The following KSR2 variants were observed in gnomAD, a reference collection of about 807,000 sequenced individuals.
KSR2 encodes kinase suppressor of ras 2.
Under a neutral mutation model 107.8 loss-of-function variants are expected in KSR2, and 25 were observed. The observed-to-expected ratio is 0.23, with a 90% CI of 0.17 to 0.32. The LOEUF is 0.32. Ranked by LOEUF, KSR2 falls within the 10% of genes least tolerant of loss-of-function variation. The pLI is 1.00. For synonymous variants in KSR2, 480 were observed against 507.0 expected (o/e 0.95, Z 0.71); for missense variants, 887 against 1,268.9 (o/e 0.70, Z 4.57).
chr12:117,765,952 T>G (rs1372000330), intron 3 of KSR2, among the ~76,000 whole-genome samples: 1 of 152,214 alleles, frequency 6.6e-6, no homozygotes, highest in Non-Finnish European at 1.5e-5. Flanking sequence ...TCATCCCCTT[T>G]GTGCCCAGGC....
intron 1 of KSR2, among the ~76,000 whole-genome samples, chr12:117,909,776 C>T (rs577361081): frequency 6.6e-5 from 10 of 151,194 alleles, no homozygotes; most frequent in East Asian, 3.9e-4. Context: ...GGCATGGTGG[C>T]GCATGCCTGT....
intron 3 of KSR2, among the ~76,000 whole-genome samples, chr12:117,853,099 G>A (rs780108024): frequency 1.5e-4 from 22 of 151,644 alleles, no homozygotes; most frequent in African/African-American, 2.9e-4. Context: ...CACCACGTCC[G>A]GCCAAAATAT....
chr12:117,848,834 A>AGTGGTGGTGATGGTGATGGTGGTG (rs1892807853), intron 3 of KSR2, among the ~76,000 whole-genome samples: 1 of 133,724 alleles, frequency 7.5e-6, no homozygotes, highest in Non-Finnish European at 1.7e-5. Context: ...TGATGGTGGT[A>AGTGGTGGTGATGGTGATGGTGGTG]GTGGTGGTGA....
At chr12:117,701,282 AG>A (rs1886299649) in intron 4 of KSR2, among the ~76,000 whole-genome samples, 1 of 152,108 alleles carries the variant, frequency 6.6e-6, no homozygotes, top group South Asian at 2.1e-4. Flanking sequence ...TAGTAGAGAC[AG>A]TGTTTCATCA....
chr12:117,870,640 G>C lies in KSR2; in HGVS notation c.181-10209C>G, dbSNP rs74356817. On this transcript the variant is annotated intron_variant, in intron 1 of 19. Transcript: ENST00000339824. ...AGAAAAAAAAATTATCTGTGCAGTA[G>C]ATACCCCATACACTCATGTCCTACT... Among the ~76,000 whole-genome samples, 1,475 of 152,166 alleles carry C rather than the reference G, an allele frequency of 9.7e-3. 60 individuals are homozygous for C. In the East Asian group the frequency reaches 0.12, roughly 13 times the overall value.
intron 4 of KSR2, among the ~76,000 whole-genome samples, chr12:117,750,081 C>T (rs957087804): frequency 6.6e-6 from 1 of 151,970 alleles, no homozygotes; most frequent in African/African-American, 2.4e-5. Flanking sequence ...AACCCCGTCT[C>T]TACTAAAAAT....
Position 117,467,041 on chromosome 12 carries a change from C to G in KSR2, c.*158G>C, listed in dbSNP as rs954153206. On this transcript the variant is annotated 3_prime_UTR_variant, in exon 20 of 20. Transcript: ENST00000339824. ...AGGAAAAGGGCTCAAGTCTGAGGTGCAGGGAGGCCGCCGAGCAGTTGTCCA... is the reference window on the plus strand; with the variant it reads ...AGGAAAAGGGCTCAAGTCTGAGGTGGAGGGAGGCCGCCGAGCAGTTGTCCA... The G allele has an allele frequency of 1.0e-5, 5 of 492,260 alleles. No homozygotes were observed. Among genetic ancestry groups the G allele is most frequent in the African/African-American group, 1.0e-4 (5 of 49,556 alleles). 30.5% of individuals were successfully genotyped at this position (492,260 alleles called of 1,614,324 possible).
intron 5 of KSR2, among the ~76,000 whole-genome samples, chr12:117,649,910 T>G (rs1007113): frequency 0.074 from 11,246 of 152,218 alleles, 538 homozygotes; most frequent in Admixed American, 0.13. Flanking sequence ...TGGCCTGGGG[T>G]TGGAGGAGTG....
chr12:117,734,985 T>C lies in KSR2; in HGVS notation c.986+26026A>G, dbSNP rs1887885302. ...CACTTGGTGTTGAGCAGCTTTGCCCTCACGGCCTCCACTTTCTGGGTGCGT... is the reference window on the plus strand; with the variant it reads ...CACTTGGTGTTGAGCAGCTTTGCCCCCACGGCCTCCACTTTCTGGGTGCGT... On this transcript the variant is annotated intron_variant, in intron 4 of 19. Transcript: ENST00000339824. Among the ~76,000 whole-genome samples, 4 of 151,998 alleles carry C rather than the reference T, an allele frequency of 2.6e-5. No homozygotes were observed. The South Asian group carries it at 8.3e-4, about 32-fold the overall frequency.
intron 1 of KSR2, among the ~76,000 whole-genome samples, chr12:117,880,621 G>A (rs2137318923): frequency 6.6e-6 from 1 of 152,046 alleles, no homozygotes; most frequent in Non-Finnish European, 1.5e-5. Flanking sequence ...ATTTACCCTA[G>A]GCCAAGGACG....
chr12:117,928,410 C>T (rs904012085), intron 1 of KSR2, among the ~76,000 whole-genome samples: 2 of 152,114 alleles, frequency 1.3e-5, no homozygotes, highest in Non-Finnish European at 2.9e-5. Flanking sequence ...TCTTGAACTC[C>T]TGAGCTCAAG....
At position 117,527,326 on chromosome 12, in the gene KSR2, GACACACAC is replaced by G. The variant is rs752222461; in HGVS notation, c.1803-215_1803-208del. On this transcript the variant is annotated intron_variant, in intron 12 of 19. Coordinates refer to ENST00000339824, the MANE Select transcript of KSR2 (RefSeq NM_173598.6). ...AGACACACACACACACACACACACA[GACACACAC>G]ACACACACACACAGACACACACACA... Among the ~76,000 whole-genome samples the G allele has an allele frequency of 8.4e-5, 6 of 71,574 alleles. No homozygotes were observed. In the South Asian group the frequency reaches 1.7e-3, roughly 20 times the overall value. The allele number at this position is 71,574 out of a possible 152,430, so 47.0% of individuals were successfully genotyped here.
intron 4 of KSR2, among the ~76,000 whole-genome samples, chr12:117,702,672 A>C (rs1330876423): frequency 6.6e-6 from 1 of 152,156 alleles, no homozygotes; most frequent in East Asian, 1.9e-4. Context: ...TATCTTCCCT[A>C]TTAAGGATCA....
chr12:117,602,664 T>G (rs892073777), intron 5 of KSR2, among the ~76,000 whole-genome samples: 15 of 152,242 alleles, frequency 9.9e-5, no homozygotes, highest in Admixed American at 2.6e-4. Context: ...TGATGAGCAC[T>G]TGTGTTGTTT....
chr12:117,560,791 G>A (rs1878058344), intron 7 of KSR2, among the ~76,000 whole-genome samples: 1 of 152,022 alleles, frequency 6.6e-6, no homozygotes, highest in Non-Finnish European at 1.5e-5. Flanking sequence ...CACTCTATTA[G>A]AGACCCTGAG....
At chr12:117,874,981 C>A (rs558610144) in intron 1 of KSR2, among the ~76,000 whole-genome samples, 26 of 152,276 alleles carry the variant, frequency 1.7e-4, no homozygotes, top group African/African-American at 6.0e-4. Flanking sequence ...GGAAATCCGA[C>A]GGAGCTGGAG....
chr12:117,573,374 G>T (rs1344556150), intron 7 of KSR2, among the ~76,000 whole-genome samples: 1 of 152,010 alleles, frequency 6.6e-6, no homozygotes, highest in African/African-American at 2.4e-5. Flanking sequence ...CGTTGTCGTT[G>T]TCATTAAGCA....
intron 1 of KSR2, among the ~76,000 whole-genome samples, chr12:117,934,970 C>T (rs556670418): frequency 6.6e-6 from 1 of 151,844 alleles, no homozygotes; most frequent in African/African-American, 2.4e-5. Flanking sequence ...GAACCACAGG[C>T]ATGCACCACC....
chr12:117,729,495 G>T (rs1421719760), intron 4 of KSR2, among the ~76,000 whole-genome samples: 1 of 152,128 alleles, frequency 6.6e-6, no homozygotes, highest in Non-Finnish European at 1.5e-5. Context: ...TGCCTGGCAG[G>T]ATGAGGGCTG....
Sources: allele counts gnomAD v4.1 joint callset (sites outside exome capture counted in the v4.1 genomes callset), GRCh38; gene constraint gnomAD v4.1.1; transcripts MANE v1.5; gene names NCBI Gene and HGNC (gene_info 2026-07-23, HGNC 2026-07-21).